Variants in C2 observed in about 807,000 individuals in gnomAD.
C2 encodes the protein complement C2.
C2 carries 64 observed loss-of-function variants against 85.2 expected under a neutral mutation model. The ratio of observed to expected loss-of-function variants is 0.75; its 90% CI spans 0.61 to 0.92. The LOEUF (loss-of-function observed/expected upper bound fraction) is 0.92, where lower values mean the gene tolerates loss of function less well. Among genes scored for constraint, C2 ranks in the 40% least tolerant of loss-of-function variants. The probability of loss-of-function intolerance (pLI) is 0.00; values close to 1 mark genes in which losing one functional copy is unlikely to be tolerated. For missense variants in C2, 820 were observed against 971.6 expected, an observed-to-expected ratio of 0.84 and a Z score of 2.07; for synonymous variants, 311 against 370.8, an observed-to-expected ratio of 0.84 and a Z score of 1.85.
At chr6:31,928,287 C>A in intron 2 of C2, 123 bp downstream of exon 2, 2 of 843,890 alleles carry the variant, frequency 2.4e-6, no homozygotes, top group Non-Finnish European at 3.9e-6. Flanking sequence ...TTGCAGAGGG[C>A]TTTTCAAAAT....
chr6:31,945,144 G>GCGGGCTTA lies in C2; in HGVS notation c.2080-33_2080-32insGGGCTTAC. ...GTTGGGGCTTACAGTTGGGGCTGTG[G>GCGGGCTTA]CAGCCTCCCAGCCAGTTCTCTCCTT... On this transcript the variant is annotated intron_variant, in intron 17 of 17. Coordinates refer to ENST00000299367, the MANE Select transcript of C2 (RefSeq NM_000063.6). The surrounding 1 kb of genome is among the most constrained non-coding windows in gnomAD (Gnocchi z 5.3). The GCGGGCTTA allele has an allele frequency of 6.2e-7, 1 of 1,610,782 alleles. No individual in the cohort carries two copies. The highest frequency in any genetic ancestry group is 1.7e-4 in the Middle Eastern group (1 of 6,056).
In C2 at chr6:31,945,192, C is replaced by T. The variant is rs766775381; in HGVS notation, c.2094C>T (p.Ser698=). 6.2e-7 allele frequency: 1 copy of T among 1,612,984 alleles called. No individual in the cohort carries two copies. The highest frequency in any genetic ancestry group is 1.1e-5 in the South Asian group (1 of 91,080). ...RFRFFQVGLV[S]WGLYNPCLGS... is the part of the protein sequence containing the mutation. ...CTTTTCTCCAGGTGGGTCTGGTGAG[C>T]TGGGGTCTTTACAACCCCTGCCTTG... Residue 698 remains serine (S), a synonymous_variant, in exon 18 of 18, where the codon AGC becomes AGT. Coordinates refer to ENST00000299367, the MANE Select transcript of C2 (RefSeq NM_000063.6). The surrounding 1 kb of genome is among the most constrained non-coding windows in gnomAD (Gnocchi z 5.3).
At chr6:31,900,475 G>A, upstream of C2, 1 of 1,602,406 alleles carries the variant, frequency 6.2e-7, no homozygotes, top group Non-Finnish European at 8.5e-7. This position sits in a 1 kb window ranked among gnomAD's most constrained non-coding sequence, Gnocchi z 9.7. Context: ...TCAACAGCAG[G>A]CCCTCCCCTT....
chr6:31,940,771 C>T (rs1770814888), intron 9 of C2, among the ~76,000 whole-genome samples: 1 of 152,270 alleles, frequency 6.6e-6, no homozygotes, highest in South Asian at 2.1e-4. Flanking sequence ...GGAAACCAAA[C>T]GAAAATAGTC....
At chr6:31,900,948 G>C, upstream of C2, 2 of 1,614,174 alleles carry the variant, frequency 1.2e-6, no homozygotes, top group East Asian at 2.2e-5. The surrounding 1 kb of genome is among the most constrained non-coding windows in gnomAD (Gnocchi z 9.7). Flanking sequence ...AGGGCATTCC[G>C]GCATTTCTCC....
At chr6:31,934,060 G>A in intron 5 of C2, 95 bp downstream of exon 5, 2 of 1,555,418 alleles carry the variant, frequency 1.3e-6, no homozygotes, top group Non-Finnish European at 1.8e-6. Flanking sequence ...AGGAGCCTTG[G>A]TGGGCTCAGC....
chr6:31,936,989 G>A (rs1770470402), intron 7 of C2: 3 of 328,964 alleles, frequency 9.1e-6, no homozygotes, highest in Non-Finnish European at 1.7e-5. Flanking sequence ...TGAGATGGGC[G>A]GATCACTTGA....
chr6:31,923,735 C>T (rs553498574), upstream of C2, among the ~76,000 whole-genome samples: 11 of 151,854 alleles, frequency 7.2e-5, no homozygotes, highest in East Asian at 1.9e-4. Flanking sequence ...GTGATCCGCC[C>T]GCCTCGGCCT....
At position 31,939,218 on chromosome 6, in the gene C2, C is replaced by G; in HGVS notation, c.1130-13C>G. On this transcript the variant is annotated splice_polypyrimidine_tract_variant and intron_variant, in intron 8 of 17. Coordinates refer to ENST00000299367, the MANE Select transcript of C2 (RefSeq NM_000063.6). ...ATATTACCTAGAAGAATTCTTTATTCTCTTTGTTCTAGGAAAGTCCAATAT... is the reference window on the plus strand; with the variant it reads ...ATATTACCTAGAAGAATTCTTTATTGTCTTTGTTCTAGGAAAGTCCAATAT... 8 of 1,581,962 alleles carry G rather than the reference C, an allele frequency of 5.1e-6. No individual in the cohort carries two copies. The highest frequency in any genetic ancestry group is 6.9e-6 in the Non-Finnish European group (8 of 1,151,992).
Position 31,934,315 on chromosome 6 carries a change from T to G in C2, c.849+16T>G, listed in dbSNP as rs761825604. 1 of 1,593,506 alleles carries G rather than the reference T, an allele frequency of 6.3e-7. No homozygotes were observed. Among genetic ancestry groups the G allele is most frequent in the East Asian group, 2.2e-5 (1 of 44,882 alleles). On this transcript the variant is annotated intron_variant, in intron 6 of 17. Transcript: ENST00000299367. The stretch of plus-strand genomic sequence containing the variant: ...GGTGGACAGGGTCAGGAATCAGGAG[T>G]CTGCCTGCAGCAGAGGCCTTCCTGT...
In C2 at chr6:31,935,925, C is replaced by G; in HGVS notation, c.852C>G (p.Ile284Met). Residue 284 changes from isoleucine (I) to methionine (M), a missense_variant and splice_region_variant, in exon 7 of 18, where the codon ATC (isoleucine) becomes ATG (methionine). Physicochemically the swap from Ile to Met is conservative, Grantham distance 10. Coordinates refer to ENST00000299367, the MANE Select transcript of C2 (RefSeq NM_000063.6). This position sits in a 1 kb window ranked among gnomAD's most constrained non-coding sequence, Gnocchi z 4.3. The part of the protein sequence containing the change: ...KESASLMVDR[I>M]FSFEINVSVA... The stretch of plus-strand genomic sequence containing the variant: ...TGCCTCTCACTTGCCCCGCACAGAT[C>G]TTCAGCTTTGAGATCAATGTGAGCG... 1 of 1,612,994 alleles carries G rather than the reference C, an allele frequency of 6.2e-7. No individual in the cohort carries two copies. Among genetic ancestry groups the G allele is most frequent in the Non-Finnish European group, 8.5e-7 (1 of 1,180,020 alleles).
chr6:31,901,226 C>T (rs778141187), intron 1 of C2: 1 of 1,613,312 alleles, frequency 6.2e-7, no homozygotes, highest in Non-Finnish European at 8.5e-7. Context: ...CTCCTCTGCC[C>T]GGAGCTGGTT....
upstream of C2, among the ~76,000 whole-genome samples, chr6:31,898,590 T>C (rs1391209039): frequency 6.6e-6 from 1 of 151,826 alleles, no homozygotes; most frequent in African/African-American, 2.4e-5. Context: ...TGGTTAACTA[T>C]TCCAGAGCTT....
Position 31,934,312 on chromosome 6 carries a change from G to A in C2, c.849+13G>A, listed in dbSNP as rs775388660. 4 of 1,593,898 alleles carry A rather than the reference G, an allele frequency of 2.5e-6. No individual in the cohort carries two copies. The highest frequency in any genetic ancestry group is 4.5e-5 in the East Asian group (2 of 44,888). On this transcript the variant is annotated intron_variant, in intron 6 of 17. Transcript: ENST00000299367. ...CATGGTGGACAGGGTCAGGAATCAG[G>A]AGTCTGCCTGCAGCAGAGGCCTTCC...
At chr6:31,942,458 C>T (rs773132307) in intron 9 of C2, among the ~76,000 whole-genome samples, 1 of 151,572 alleles carries the variant, frequency 6.6e-6, no homozygotes, top group Non-Finnish European at 1.5e-5. Flanking sequence ...TAGAACCCAG[C>T]AGGTGGTAGG....
rs1411040724 is a variant in C2, at chr6:31,935,774, A to G, written c.850-149A>G. The G allele has an allele frequency of 5.8e-6, 5 of 865,500 alleles. No individual in the cohort carries two copies. Among genetic ancestry groups the G allele is most frequent in the African/African-American group, 3.3e-5 (2 of 60,632 alleles). The allele number at this position is 865,500 out of a possible 1,614,324, so 53.6% of individuals were successfully genotyped here. On this transcript the variant is annotated intron_variant, in intron 6 of 17. Coordinates refer to ENST00000299367, the MANE Select transcript of C2 (RefSeq NM_000063.6). This position sits in a 1 kb window ranked among gnomAD's most constrained non-coding sequence, Gnocchi z 4.3. ...GCGCCCAGCCCCTAGCTTCTTCCTA[A>G]CAGCCATTTCCTAGTGTCTCCCCTG...
In C2 at chr6:31,935,961, C is replaced by G; in HGVS notation, c.888C>G (p.Ile296Met). Reference protein sequence around the residue: ...SFEINVSVAIITFASEPKVLM... With the variant: ...SFEINVSVAIMTFASEPKVLM... ...AGATCAATGTGAGCGTTGCCATTAT[C>G]ACCTTTGCCTCAGAGCCCAAAGTCC... The change falls in exon 7 of 18, where the codon ATC becomes ATG. Residue 296 changes from isoleucine (I) to methionine (M), a missense_variant. Transcript: ENST00000299367. The surrounding 1 kb of genome is among the most constrained non-coding windows in gnomAD (Gnocchi z 4.3). 1 of 1,613,072 alleles carries G rather than the reference C, an allele frequency of 6.2e-7. No individual in the cohort carries two copies. The highest frequency in any genetic ancestry group is 8.5e-7 in the Non-Finnish European group (1 of 1,180,010).
chr6:31,944,341 C>A lies in C2; in HGVS notation c.1902+115C>A. ...CTCTGACGCGGGTCACCCCTCCTCC[C>A]AAGCCTCACAAACCTGCTAGGTGTC... On this transcript the variant is annotated intron_variant, in intron 15 of 17. Transcript: ENST00000299367. This position sits in a 1 kb window ranked among gnomAD's most constrained non-coding sequence, Gnocchi z 5.1. The A allele has an allele frequency of 2.6e-6, 2 of 766,410 alleles. No individual in the cohort carries two copies. The highest frequency in any genetic ancestry group is 1.4e-5 in the South Asian group (1 of 69,702). The allele number at this position is 766,410 out of a possible 1,614,324, so 47.5% of individuals were successfully genotyped here.
chr6:31,909,159 A>G (rs1387694229), intron 1 of C2, among the ~76,000 whole-genome samples: 2 of 151,946 alleles, frequency 1.3e-5, no homozygotes, highest in African/African-American at 4.8e-5. Context: ...TGACTTGTGT[A>G]GCTGTAATTC....
Sources: gnomAD v4.1 joint callset for allele counts (sites outside exome capture counted in the v4.1 genomes callset) on GRCh38, gnomAD v4.1.1 for gene constraint, Gnocchi (gnomAD v3.1) non-coding constraint, MANE v1.5 for transcripts, NCBI Gene and HGNC (gene_info 2026-07-23, HGNC 2026-07-21) for gene names.